Variants in RNLS observed in about 807,000 individuals in gnomAD.
The protein encoded by RNLS is renalase.
RNLS carries 39 observed loss-of-function variants against 39.8 expected under a neutral mutation model. The ratio of observed to expected loss-of-function variants is 0.98; its 90% CI spans 0.76 to 1.28. The LOEUF (loss-of-function observed/expected upper bound fraction) is 1.28. Ranked by LOEUF, RNLS falls within the 50% of genes most tolerant of loss-of-function variation. RNLS has a pLI of 0.00. For synonymous variants in RNLS, 147 were observed against 150.7 expected, an observed-to-expected ratio of 0.98 and a Z score of 0.18; for missense variants, 410 against 413.3, an observed-to-expected ratio of 0.99 and a Z score of 0.07.
chr10:88,399,508 T>C (rs1852784294), intron 4 of RNLS, among the ~76,000 whole-genome samples: 1 of 151,984 alleles, frequency 6.6e-6, no homozygotes, highest in African/African-American at 2.4e-5. Flanking sequence ...CTTGAAAATA[T>C]TATTCTAAGT....
chr10:88,367,800 T>C (rs1222542101), intron 4 of RNLS, among the ~76,000 whole-genome samples: 2 of 152,160 alleles, frequency 1.3e-5, no homozygotes, highest in Non-Finnish European at 2.9e-5. Flanking sequence ...TTGTCATTCA[T>C]ATATGCTTTT....
At chr10:88,445,953 A>C (rs557363259) in intron 4 of RNLS, among the ~76,000 whole-genome samples, 2 of 152,346 alleles carry the variant, frequency 1.3e-5, no homozygotes, top group African/African-American at 4.8e-5. Context: ...TCAGCTCTGC[A>C]CCAAGCGGAC....
At chr10:88,279,981 T>C (rs1011729192), downstream of RNLS, among the ~76,000 whole-genome samples, 1 of 152,132 alleles carries the variant, frequency 6.6e-6, no homozygotes, top group African/African-American at 2.4e-5. Flanking sequence ...GGTTTCACCA[T>C]GTTTTGCTGT....
At chr10:88,338,447 A>G (rs1215524474) in intron 5 of RNLS, among the ~76,000 whole-genome samples, 1 of 152,270 alleles carries the variant, frequency 6.6e-6, no homozygotes, top group Admixed American at 6.5e-5. Context: ...TGCAATTCAC[A>G]TACTGAAACG....
chr10:88,407,600 G>A (rs535858229), intron 4 of RNLS, among the ~76,000 whole-genome samples: 1 of 152,172 alleles, frequency 6.6e-6, no homozygotes, highest in African/African-American at 2.4e-5. Context: ...AACTCCTTCG[G>A]TAGGTCAAGA....
intron 4 of RNLS, among the ~76,000 whole-genome samples, chr10:88,400,018 A>G (rs1013711371): frequency 1.3e-4 from 19 of 151,894 alleles, no homozygotes; most frequent in African/African-American, 4.1e-4. Flanking sequence ...CTGTGGTCAC[A>G]TTGCCTCCTC....
intron 4 of RNLS, among the ~76,000 whole-genome samples, chr10:88,410,603 G>T (rs1158758065): frequency 6.6e-6 from 1 of 152,002 alleles, no homozygotes; most frequent in African/African-American, 2.4e-5. Context: ...ACCTTCCCTG[G>T]TTTTCATCTC....
chr10:88,256,071 G>A, the RNLS span, among the ~76,000 whole-genome samples: 62 of 152,136 alleles, frequency 4.1e-4, no homozygotes, highest in African/African-American at 1.5e-3. Flanking sequence ...ACCAGCCCGT[G>A]GGGAATATTT....
chr10:88,459,338 A>T (rs962923602), intron 4 of RNLS, among the ~76,000 whole-genome samples: 1 of 152,146 alleles, frequency 6.6e-6, no homozygotes, highest in African/African-American at 2.4e-5. Context: ...GATTAGGTCC[A>T]TTAGTGGATA....
Position 88,527,937 on chromosome 10 carries a change from TA to T in RNLS, c.526+44965del, listed in dbSNP as rs552399085. On this transcript the variant is annotated intron_variant, in intron 4 of 6. Transcript: ENST00000331772. ...ATAAGAAAGGACACTACAATAAAAA[TA>T]AAAAAAAATCATAAAAGAAAATTCA... 4.8e-5 allele frequency among the ~76,000 whole-genome samples: 7 copies of T among 147,264 alleles called. No individual in the cohort carries two copies. In the South Asian group the frequency reaches 6.5e-4, roughly 14 times the overall value.
At chr10:88,211,911 G>A in the RNLS span, among the ~76,000 whole-genome samples, 1 of 152,192 alleles carries the variant, frequency 6.6e-6, no homozygotes, top group Non-Finnish European at 1.5e-5. Flanking sequence ...GTTGCAAGCT[G>A]CAATTCAGAT....
intron 6 of RNLS, among the ~76,000 whole-genome samples, chr10:88,295,136 GTTATA>G (rs1302694601): frequency 6.6e-6 from 1 of 152,092 alleles, no homozygotes; most frequent in African/African-American, 2.4e-5. Flanking sequence ...AAATATATTT[GTTATA>G]TTATTAAGAA....
chr10:88,551,796 G>A (rs1848616901), intron 4 of RNLS, among the ~76,000 whole-genome samples: 2 of 152,160 alleles, frequency 1.3e-5, no homozygotes, highest in Admixed American at 1.3e-4. Flanking sequence ...GCTCTATATG[G>A]TGGGGATAAT....
the RNLS span, among the ~76,000 whole-genome samples, chr10:88,207,700 T>A: frequency 6.6e-6 from 1 of 152,208 alleles, no homozygotes; most frequent in Admixed American, 6.6e-5. Context: ...AATCCTTGGA[T>A]AAAGGTTTTC....
At chr10:88,343,764 C>T (rs1353366939) in intron 5 of RNLS, 1 of 985,266 alleles carries the variant, frequency 1.0e-6, no homozygotes, top group African/African-American at 1.7e-5. Context: ...TCTATTTATC[C>T]TGGGACACAA....
chr10:88,467,572 CCTAA>C (rs1189308747), intron 4 of RNLS, among the ~76,000 whole-genome samples: 9 of 152,058 alleles, frequency 5.9e-5, no homozygotes, highest in Admixed American at 4.6e-4. Flanking sequence ...TAGCTTGTGA[CCTAA>C]CTAAGAGACT....
At chr10:88,570,556 T>C (rs926757225) in intron 4 of RNLS, among the ~76,000 whole-genome samples, 1 of 152,216 alleles carries the variant, frequency 6.6e-6, no homozygotes, top group Non-Finnish European at 1.5e-5. Context: ...TATATTTATT[T>C]TGAGGTGTTA....
chr10:88,374,004 A>G (rs1281337799), intron 4 of RNLS, among the ~76,000 whole-genome samples: 1 of 152,106 alleles, frequency 6.6e-6, no homozygotes, highest in Non-Finnish European at 1.5e-5. Context: ...AAGCAGAAGT[A>G]TGATCTACCT....
At chr10:88,484,916 TTTTG>T (rs752108495) in intron 4 of RNLS, among the ~76,000 whole-genome samples, 192 of 152,126 alleles carry the variant, frequency 1.3e-3, no homozygotes, top group African/African-American at 4.4e-3. Context: ...TGCTTAGCAA[TTTTG>T]TTTGTTTGTT....
Sources: gnomAD v4.1 joint callset for allele counts (sites outside exome capture counted in the v4.1 genomes callset) on GRCh38, gnomAD v4.1.1 for gene constraint, MANE v1.5 for transcripts, NCBI Gene and HGNC (gene_info 2026-07-23, HGNC 2026-07-21) for gene names.